SLC25A48: variants seen among roughly 807,000 people sequenced by gnomAD.
The protein encoded by SLC25A48 is CTC-321K16.1.
Under a neutral mutation model 32.2 loss-of-function variants are expected in SLC25A48, and 29 were observed. That is an observed-to-expected ratio of 0.90 (90% CI 0.67 to 1.23). The LOEUF is 1.23. SLC25A48 is among the 50% of genes most tolerant of loss of function. The pLI, the probability that SLC25A48 is intolerant of heterozygous loss-of-function variation, is 0.00. For missense variants in SLC25A48, 399 were observed against 422.7 expected, an observed-to-expected ratio of 0.94 and a Z score of 0.49; for synonymous variants, 164 against 172.3, an observed-to-expected ratio of 0.95 and a Z score of 0.38.
intron 3 of SLC25A48, among the ~76,000 whole-genome samples, chr5:135,722,517 C>T (rs1218204472): frequency 6.6e-6 from 1 of 152,200 alleles, no homozygotes; most frequent in African/African-American, 2.4e-5. Flanking sequence ...GGTGAACAGG[C>T]AGGAACATGG....
At chr5:135,731,194 T>TG (rs1755212818) in intron 3 of SLC25A48, among the ~76,000 whole-genome samples, 1 of 146,266 alleles carries the variant, frequency 6.8e-6, no homozygotes, top group Non-Finnish European at 1.5e-5. Context: ...CTGGTAGGGG[T>TG]GGGGGTCATA....
intron 3 of SLC25A48, among the ~76,000 whole-genome samples, chr5:135,736,242 G>A (rs1167845007): frequency 2.6e-5 from 4 of 152,154 alleles, no homozygotes; most frequent in Non-Finnish European, 5.9e-5. Flanking sequence ...ATGCCTGGAT[G>A]TAAGGCATCT....
chr5:135,659,281 C>T (rs1055712610), intron 3 of SLC25A48, among the ~76,000 whole-genome samples: 1 of 152,166 alleles, frequency 6.6e-6, no homozygotes, highest in Non-Finnish European at 1.5e-5. Flanking sequence ...TCTCAAAGTT[C>T]AAAGTTTCAC....
chr5:135,671,187 A>G (rs1753645350), intron 3 of SLC25A48, among the ~76,000 whole-genome samples: 1 of 152,236 alleles, frequency 6.6e-6, no homozygotes, highest in South Asian at 2.1e-4. Flanking sequence ...TAGAGGAAGG[A>G]AAAGGAATGC....
At chr5:135,603,859 A>AGTGGGAGGTGGGAG (rs75004128) in intron 1 of SLC25A48, among the ~76,000 whole-genome samples, 2,051 of 151,124 alleles carry the variant, frequency 0.014, 46 homozygotes, top group African/African-American at 0.047. Flanking sequence ...TCCACTGTGA[A>AGTGGGAGGTGGGAG]GTGGGAGGTG....
intron 7 of SLC25A48, among the ~76,000 whole-genome samples, chr5:135,880,564 C>T (rs1316504567): frequency 1.3e-5 from 2 of 152,134 alleles, no homozygotes; most frequent in East Asian, 1.9e-4. Flanking sequence ...TCTCTGCCAC[C>T]ATTCTTTGCC....
At position 135,769,265 on chromosome 5, in the gene SLC25A48, G is replaced by GGGGGT. The variant is rs71593856; in HGVS notation, c.-520-43256_-520-43255insGGTGG. 1.7e-3 allele frequency among the ~76,000 whole-genome samples: 244 copies of GGGGGT among 145,126 alleles called. 2 individuals are homozygous for GGGGGT. The highest frequency in any genetic ancestry group is 5.8e-3 in the African/African-American group (228 of 39,122). On this transcript the variant is annotated intron_variant, in intron 3 of 10. Coordinates refer to the SLC25A48 transcript ENST00000646290. ...GTAATTTTGTTTGCAATATTGGGGGGGGAGAATGATATTACTGACAGCATC... is the reference window on the plus strand; with the variant it reads ...GTAATTTTGTTTGCAATATTGGGGGGGGGGTGGAGAATGATATTACTGACAGCATC...
At chr5:135,734,603 G>A (rs1325127295) in intron 3 of SLC25A48, among the ~76,000 whole-genome samples, 8 of 151,826 alleles carry the variant, frequency 5.3e-5, no homozygotes, top group Non-Finnish European at 1.0e-4. Flanking sequence ...TGAGGCGGGT[G>A]GATCACGAGG....
chr5:135,682,168 G>C (rs967781765), intron 3 of SLC25A48, among the ~76,000 whole-genome samples: 3 of 152,172 alleles, frequency 2.0e-5, no homozygotes, highest in Middle Eastern at 3.2e-3. Context: ...CTATGGCCTG[G>C]AAACTATAGG....
intron 3 of SLC25A48, among the ~76,000 whole-genome samples, chr5:135,670,141 C>G (rs1442341982): frequency 6.6e-6 from 1 of 152,104 alleles, no homozygotes. Flanking sequence ...GGGCAGTAGA[C>G]CTGAATTTGA....
chr5:135,873,888 T>C, intron 5 of SLC25A48, 133 bp from the exon 6 acceptor site: 1 of 982,564 alleles, frequency 1.0e-6, no homozygotes, highest in Non-Finnish European at 1.4e-6. Context: ...AAACAAACTT[T>C]GCAGGTTCTA....
chr5:135,766,445 A>C (rs1251075619), intron 3 of SLC25A48, among the ~76,000 whole-genome samples: 1 of 151,484 alleles, frequency 6.6e-6, no homozygotes, highest in African/African-American at 2.4e-5. Context: ...GGAGAGGGTG[A>C]TATTACTCCT....
At chr5:135,726,771 T>A (rs922231096) in intron 3 of SLC25A48, among the ~76,000 whole-genome samples, 1 of 152,254 alleles carries the variant, frequency 6.6e-6, no homozygotes. Flanking sequence ...AAAGTTGCTA[T>A]AAATATTCAT....
chr5:135,608,984 G>A (rs988589783), intron 1 of SLC25A48, among the ~76,000 whole-genome samples: 2 of 152,254 alleles, frequency 1.3e-5, no homozygotes, highest in Admixed American at 1.3e-4. Context: ...GCTCCTATTT[G>A]GAAACAACAG....
At chr5:135,580,012 T>C (rs1751197404) in intron 1 of SLC25A48, among the ~76,000 whole-genome samples, 1 of 152,226 alleles carries the variant, frequency 6.6e-6, no homozygotes, top group African/African-American at 2.4e-5. Flanking sequence ...AAATCATACA[T>C]GTTGTCAGTA....
chr5:135,818,072 TC>T (rs1757777179), intron 4 of SLC25A48, among the ~76,000 whole-genome samples: 2 of 38,404 alleles, frequency 5.2e-5, no homozygotes, highest in Admixed American at 4.9e-4. Flanking sequence ...TCTCTCTCTC[TC>T]TCTCTCTCTC....
At chr5:135,722,434 AAGGT>A (rs1754979162) in intron 3 of SLC25A48, among the ~76,000 whole-genome samples, 1 of 152,162 alleles carries the variant, frequency 6.6e-6, no homozygotes, top group South Asian at 2.1e-4. Flanking sequence ...TTTGTAGCAA[AAGGT>A]ATTTGCCTGC....
intron 3 of SLC25A48, among the ~76,000 whole-genome samples, chr5:135,799,956 GA>G (rs1337812358): frequency 6.6e-6 from 1 of 151,730 alleles, no homozygotes; most frequent in African/African-American, 2.4e-5. Context: ...ATCTAGATAA[GA>G]AGAGAATATC....
intron 2 of SLC25A48, among the ~76,000 whole-genome samples, chr5:135,633,975 C>G (rs547210245): frequency 6.6e-6 from 1 of 152,156 alleles, no homozygotes. Flanking sequence ...AGGGTAGATG[C>G]ATTTCTCCCA....
Sources: allele counts gnomAD v4.1 joint callset (sites outside exome capture counted in the v4.1 genomes callset), GRCh38; gene constraint gnomAD v4.1.1; transcripts MANE v1.5; gene names NCBI Gene and HGNC (gene_info 2026-07-23, HGNC 2026-07-21).